Variants in RNF17 observed in about 807,000 individuals in gnomAD.
The protein encoded by RNF17 is spermatogenesis associated 23.
Under a neutral mutation model 200.5 loss-of-function variants are expected in RNF17, and 31 were observed. The ratio of observed to expected loss-of-function variants is 0.15; its 90% confidence interval spans 0.12 to 0.21. The LOEUF (loss-of-function observed/expected upper bound fraction) is 0.21. Among genes scored for constraint, RNF17 ranks in the 10% least tolerant of loss-of-function variants. RNF17 has a pLI of 1.00. For missense variants in RNF17, 1,628 were observed against 1,905.1 expected (o/e 0.85, Z 2.71); for synonymous variants, 606 against 637.8 (o/e 0.95, Z 0.75).
Position 24,857,369 on chromosome 13 carries a change from A to C in RNF17, c.3611-1632A>C, listed in dbSNP as rs1892622567. Among the ~76,000 whole-genome samples, 4 of 152,262 alleles carry C rather than the reference A, an allele frequency of 2.6e-5. No individual in the cohort carries two copies. The South Asian group carries it at 8.3e-4, about 32-fold the overall frequency. On this transcript the variant is annotated intron_variant, in intron 25 of 35. Transcript: ENST00000255324. ...GTTGGCAGAATTTAGAACTTAGGCC[A>C]CCAGTGATTATGTAGACATCCTCAG...
the RNF17 span, among the ~76,000 whole-genome samples, chr13:24,887,467 C>CAT: frequency 2.0e-5 from 3 of 152,176 alleles, no homozygotes; most frequent in African/African-American, 7.2e-5. Context: ...ATTAGATTCT[C>CAT]ATAGGAGCAA....
rs763436808 is a variant in RNF17, at chr13:24,793,273, C to A, written c.1167C>A (p.Thr389=). Residue 389 remains threonine, a synonymous_variant, in exon 10 of 36, where the codon ACC becomes ACA. Transcript: ENST00000255324. ...QKDVATASPK[T]IAVLPQMGSS... is the part of the protein sequence containing the mutation. The stretch of plus-strand genomic sequence containing the variant: ...ACGTTGCAACAGCATCCCCTAAAAC[C>A]ATTGCTGTGTTACCTCAGATGGGAT... 1 of 1,613,886 alleles carries A rather than the reference C, an allele frequency of 6.2e-7. No individual in the cohort carries two copies.
downstream of RNF17, among the ~76,000 whole-genome samples, chr13:24,883,743 C>T (rs1254946279): frequency 3.9e-5 from 6 of 152,244 alleles, no homozygotes; most frequent in East Asian, 7.7e-4. Context: ...GGGGCATGAT[C>T]AGACTTAAAA....
At chr13:24,785,351 T>C (rs1394886683) in intron 6 of RNF17, among the ~76,000 whole-genome samples, 4 of 152,214 alleles carry the variant, frequency 2.6e-5, no homozygotes, top group Non-Finnish European at 4.4e-5. Context: ...GCATATTGTT[T>C]TATTTTTACA....
Position 24,764,221 on chromosome 13 carries a change from G to A in RNF17, c.18G>A (p.Ser6=), listed in dbSNP as rs765871437. ...AGACAGCGATGGCGGCAGAGGCTTC[G>A]AAGACTGGGCCTTCTAGGTCTTCCT... MAAEA[S]KTGPSRSSYQ... Residue 6 remains serine (S), a synonymous_variant, in exon 1 of 36, where the codon TCG becomes TCA. Transcript: ENST00000255324. 4.9e-5 allele frequency: 79 copies of A among 1,598,406 alleles called. No homozygotes were observed. Among genetic ancestry groups the A allele is most frequent in the Non-Finnish European group, 6.2e-5 (72 of 1,167,844 alleles).
intron 2 of RNF17, among the ~76,000 whole-genome samples, chr13:24,772,063 G>A (rs918847553): frequency 2.0e-5 from 3 of 152,164 alleles, no homozygotes; most frequent in Admixed American, 1.3e-4. Context: ...GTGATGTAAG[G>A]TGCAGGTATA....
At chr13:24,842,242 A>AT in intron 19 of RNF17, 81 bp downstream of exon 19, 1 of 1,265,964 alleles carries the variant, frequency 7.9e-7, no homozygotes, top group African/African-American at 1.5e-5. Flanking sequence ...CTGGCATATC[A>AT]TTCCCCATTG....
In RNF17 at chr13:24,789,765, TCAA is replaced by T. The variant is rs1566136154; in HGVS notation, c.932_934del (p.Thr311del). ...TATGGGAAAGATTGAATTTAGGGAC[TCAA>T]CAAAGTAAGTATTTATAAGCATGGT... On this transcript the variant is annotated inframe_deletion, in exon 9 of 36. Coordinates refer to ENST00000255324, the MANE Select transcript of RNF17 (RefSeq NM_031277.3). 1 of 1,565,154 alleles carries T rather than the reference TCAA, an allele frequency of 6.4e-7. No individual in the cohort carries two copies. The highest frequency in any genetic ancestry group is 1.1e-5 in the South Asian group (1 of 89,858).
chr13:24,785,237 T>C (rs1256322038), intron 6 of RNF17, among the ~76,000 whole-genome samples: 1 of 152,220 alleles, frequency 6.6e-6, no homozygotes, highest in Non-Finnish European at 1.5e-5. Context: ...TCCCTCAGCA[T>C]TGCTTTCATT....
chr13:24,794,722 A>G (rs979054741), intron 10 of RNF17, among the ~76,000 whole-genome samples: 4 of 152,102 alleles, frequency 2.6e-5, no homozygotes, highest in Admixed American at 6.5e-5. Flanking sequence ...TATTCCCCCC[A>G]ATAAAAAAAA....
intron 18 of RNF17, among the ~76,000 whole-genome samples, chr13:24,840,521 A>G (rs1890505622): frequency 1.1e-5 from 1 of 94,004 alleles, no homozygotes; most frequent in Non-Finnish European, 2.2e-5. Flanking sequence ...TGATTTATAC[A>G]TATATATATG....
At chr13:24,887,904 C>T in the RNF17 span, among the ~76,000 whole-genome samples, 1 of 152,126 alleles carries the variant, frequency 6.6e-6, no homozygotes, top group Non-Finnish European at 1.5e-5. Flanking sequence ...CTCCAAAAAC[C>T]ACAGTTTGTG....
chr13:24,871,779 C>T (rs866693109), intron 32 of RNF17, among the ~76,000 whole-genome samples: 66 of 151,712 alleles, frequency 4.4e-4, no homozygotes, highest in Middle Eastern at 3.4e-3. Context: ...ATTATAGGCA[C>T]GCGCCACCAC....
chr13:24,825,387 A>G (rs927239063), intron 15 of RNF17, among the ~76,000 whole-genome samples: 7 of 152,186 alleles, frequency 4.6e-5, no homozygotes, highest in African/African-American at 1.7e-4. Flanking sequence ...CTTGAAGAAT[A>G]TATACACTAA....
At chr13:24,748,771 G>A in the RNF17 span, among the ~76,000 whole-genome samples, 1 of 151,520 alleles carries the variant, frequency 6.6e-6, no homozygotes, top group Admixed American at 6.6e-5. Flanking sequence ...TTTGAGACAG[G>A]GTCTCACTCT....
intron 32 of RNF17, among the ~76,000 whole-genome samples, chr13:24,872,362 C>T (rs1894385502): frequency 6.6e-6 from 1 of 152,068 alleles, no homozygotes; most frequent in Admixed American, 6.6e-5. Flanking sequence ...TGCCACTTGC[C>T]CACAAGTAGA....
intron 15 of RNF17, among the ~76,000 whole-genome samples, chr13:24,809,364 T>G (rs9553445): frequency 0.17 from 26,584 of 152,008 alleles, 2,433 homozygotes; most frequent in South Asian, 0.32. Flanking sequence ...TCTTCCTGGT[T>G]TAGTCTTGGG....
At chr13:24,850,173 A>C (rs1486901273) in intron 22 of RNF17, among the ~76,000 whole-genome samples, 168 bp from the exon 23 acceptor site, 1 of 152,234 alleles carries the variant, frequency 6.6e-6, no homozygotes, top group Non-Finnish European at 1.5e-5. Flanking sequence ...TAGGAAAATG[A>C]GGGAAAAAAT....
chr13:24,812,833 C>T (rs2137843066), intron 15 of RNF17, among the ~76,000 whole-genome samples: 1 of 152,106 alleles, frequency 6.6e-6, no homozygotes, highest in Non-Finnish European at 1.5e-5. Flanking sequence ...GGGTGCCTGC[C>T]ACCACGCCTG....
Sources: allele counts gnomAD v4.1 joint callset (sites outside exome capture counted in the v4.1 genomes callset), GRCh38; gene constraint gnomAD v4.1.1; transcripts MANE v1.5; gene names NCBI Gene and HGNC (gene_info 2026-07-23, HGNC 2026-07-21).